The following FRMD5 variants were observed in gnomAD, a reference collection of about 807,000 sequenced individuals.
FRMD5 encodes the protein FERM domain containing 5.
In FRMD5, 20 loss-of-function variants were observed where a neutral mutation model predicts 69.0. The observed-to-expected ratio is 0.29, with a 90% confidence interval of 0.20 to 0.42. FRMD5 has a LOEUF of 0.42. Among genes scored for constraint, FRMD5 ranks in the 10% least tolerant of loss-of-function variants. The pLI is 1.00. For synonymous variants in FRMD5, 271 were observed against 260.1 expected (o/e 1.04, Z -0.40); for missense variants, 595 against 708.6 (o/e 0.84, Z 1.82).
chr15:43,939,123 G>A (rs931284688), intron 1 of FRMD5, among the ~76,000 whole-genome samples: 1 of 151,626 alleles, frequency 6.6e-6, no homozygotes, highest in Non-Finnish European at 1.5e-5. Context: ...CGCCTGCCTC[G>A]GCCTCCCAAA....
At chr15:43,999,946 TGCCATGC>T (rs1489863907) in intron 1 of FRMD5, among the ~76,000 whole-genome samples, 15 of 111,158 alleles carry the variant, frequency 1.3e-4, no homozygotes, top group East Asian at 1.3e-3. Context: ...TATATATATA[TGCCATGC>T]ATATATATAT....
chr15:43,925,298 C>T (rs572864012), intron 1 of FRMD5, among the ~76,000 whole-genome samples: 2 of 152,318 alleles, frequency 1.3e-5, no homozygotes, highest in African/African-American at 4.8e-5. Flanking sequence ...AGCCACCATG[C>T]CCAGCCCTCT....
intron 1 of FRMD5, among the ~76,000 whole-genome samples, chr15:44,181,376 A>T (rs1333555064): frequency 6.6e-6 from 1 of 152,058 alleles, no homozygotes; most frequent in Non-Finnish European, 1.5e-5. Flanking sequence ...ATAGTTATAG[A>T]TACACAAAAT....
At chr15:44,036,690 C>A (rs1891927804) in intron 1 of FRMD5, among the ~76,000 whole-genome samples, 1 of 152,200 alleles carries the variant, frequency 6.6e-6, no homozygotes, top group African/African-American at 2.4e-5. Context: ...CTTGTAGATT[C>A]TCTTGGATTT....
chr15:43,888,710 G>A, intron 9 of FRMD5, 99 bp downstream of exon 9: 1 of 961,948 alleles, frequency 1.0e-6, no homozygotes, highest in Admixed American at 1.9e-5. Context: ...TAGTATGTGG[G>A]TAGCTTGGCT....
intron 1 of FRMD5, among the ~76,000 whole-genome samples, chr15:44,091,884 G>A (rs984155640): frequency 6.6e-6 from 1 of 151,936 alleles, no homozygotes; most frequent in Non-Finnish European, 1.5e-5. Flanking sequence ...TCAGTCAAGA[G>A]AGGAAGGAAA....
chr15:44,157,426 G>T (rs2077545860), intron 1 of FRMD5, among the ~76,000 whole-genome samples: 1 of 152,134 alleles, frequency 6.6e-6, no homozygotes, highest in Admixed American at 6.5e-5. Context: ...TATATGAAAA[G>T]CCTAATAGAT....
At chr15:44,148,300 C>T (rs556474797) in intron 1 of FRMD5, among the ~76,000 whole-genome samples, 2 of 150,916 alleles carry the variant, frequency 1.3e-5, no homozygotes, top group Non-Finnish European at 2.9e-5. Context: ...GAGACGGAGT[C>T]TCGCTCTGTC....
At chr15:44,022,041 G>T (rs1241637361) in intron 1 of FRMD5, among the ~76,000 whole-genome samples, 1 of 152,056 alleles carries the variant, frequency 6.6e-6, no homozygotes, top group Non-Finnish European at 1.5e-5. Context: ...GACACAAAAG[G>T]AAAAATAATG....
chr15:44,003,170 C>T (rs889109602), intron 1 of FRMD5, among the ~76,000 whole-genome samples: 1 of 152,162 alleles, frequency 6.6e-6, no homozygotes, highest in African/African-American at 2.4e-5. Flanking sequence ...TCTAATCTGT[C>T]AGAAAATCCT....
chr15:43,887,054 G>T (rs2088680567), intron 10 of FRMD5, among the ~76,000 whole-genome samples: 1 of 152,196 alleles, frequency 6.6e-6, no homozygotes, highest in South Asian at 2.1e-4. Flanking sequence ...ACACAGATGG[G>T]AAAACCAAGC....
chr15:43,951,463 T>C (rs1704712666), intron 1 of FRMD5, among the ~76,000 whole-genome samples: 1 of 151,782 alleles, frequency 6.6e-6, no homozygotes. Flanking sequence ...TAAATTGCTG[T>C]TGATTGTAGT....
At position 44,013,109 on chromosome 15, in the gene FRMD5, T is replaced by C. The variant is rs559278413; in HGVS notation, c.103-88800A>G. ...AGATTCTCATTATGAAAAGCACACA[T>C]TGATTTCTGAAAGTCAATTATTTTG... On this transcript the variant is annotated intron_variant, in intron 1 of 13. Coordinates refer to ENST00000417257, the MANE Select transcript of FRMD5 (RefSeq NM_032892.5). Among the ~76,000 whole-genome samples the C allele has an allele frequency of 8.5e-5, 13 of 152,300 alleles. No homozygotes were observed. In the South Asian group the frequency reaches 1.9e-3, roughly 22 times the overall value.
chr15:43,965,914 T>G (rs1434647496), intron 1 of FRMD5, among the ~76,000 whole-genome samples: 2 of 152,018 alleles, frequency 1.3e-5, no homozygotes, highest in Non-Finnish European at 2.9e-5. Context: ...AAGAAGCACA[T>G]ATGAGGGTAG....
At chr15:44,122,438 T>C (rs1340469153) in intron 1 of FRMD5, among the ~76,000 whole-genome samples, 1 of 151,868 alleles carries the variant, frequency 6.6e-6, no homozygotes, top group African/African-American at 2.4e-5. Flanking sequence ...TGGTGGTGCA[T>C]GCCTGTAGTC....
At chr15:43,909,525 G>A (rs1390016160) in intron 5 of FRMD5, among the ~76,000 whole-genome samples, 1 of 152,046 alleles carries the variant, frequency 6.6e-6, no homozygotes, top group Non-Finnish European at 1.5e-5. Context: ...CTGTTGCCCA[G>A]GCTGGAGTGC....
At chr15:43,901,368 C>A (rs773294901) in intron 7 of FRMD5, among the ~76,000 whole-genome samples, 71 of 152,202 alleles carry the variant, frequency 4.7e-4, no homozygotes, top group Non-Finnish European at 7.6e-4. Context: ...TTAGTATCCC[C>A]TCTCCAGTTA....
At chr15:43,998,058 T>C (rs1329194638) in intron 1 of FRMD5, among the ~76,000 whole-genome samples, 1 of 152,194 alleles carries the variant, frequency 6.6e-6, no homozygotes, top group Non-Finnish European at 1.5e-5. Context: ...GAGACTTTGT[T>C]AGATAATATA....
upstream of FRMD5, among the ~76,000 whole-genome samples, chr15:44,199,297 C>G (rs1175567422): frequency 1.3e-5 from 2 of 152,264 alleles, no homozygotes; most frequent in Middle Eastern, 3.4e-3. Context: ...ACTTTCAAAG[C>G]CTCATGGACT....
Sources: allele counts gnomAD v4.1 joint callset (sites outside exome capture counted in the v4.1 genomes callset), GRCh38; gene constraint gnomAD v4.1.1; transcripts MANE v1.5; gene names NCBI Gene and HGNC (gene_info 2026-07-23, HGNC 2026-07-21).